The following TTC39B variants were observed in gnomAD, a reference collection of about 807,000 sequenced individuals.
TTC39B encodes tetratricopeptide repeat domain 39B.
A neutral mutation model predicts 96.6 loss-of-function variants in TTC39B; 92 were observed. The observed-to-expected ratio is 0.95, with a 90% CI of 0.80 to 1.13. TTC39B has a LOEUF of 1.13. Among genes scored for constraint, TTC39B ranks in the 50% most tolerant of loss-of-function variants. The pLI is 0.00. For missense variants in TTC39B, 955 were observed against 809.3 expected (o/e 1.18, Z -2.18); for synonymous variants, 367 against 299.4 (o/e 1.23, Z -2.33).
intron 1 of TTC39B, among the ~76,000 whole-genome samples, chr9:15,295,736 T>C (rs1196615368): frequency 1.3e-5 from 2 of 152,204 alleles, no homozygotes; most frequent in African/African-American, 2.4e-5. Context: ...AAATGAAGAA[T>C]GTCAGAAGTG....
At position 15,200,856 on chromosome 9, in the gene TTC39B, G is replaced by A. The variant is rs138000410; in HGVS notation, c.760-931C>T. Among the ~76,000 whole-genome samples, 69 of 152,256 alleles carry A rather than the reference G, an allele frequency of 4.5e-4. 1 individual carries two copies. In the South Asian group the frequency reaches 7.5e-3, roughly 16 times the overall value. On this transcript the variant is annotated intron_variant, in intron 7 of 19. Coordinates refer to ENST00000512701, the Ensembl canonical transcript of TTC39B. ...TCTACTAAAAATTCAGAAAGTAGCC[G>A]GGCATGGTGGCGGGTGCCTGTAGTC...
chr9:15,259,672 G>T (rs182318985), intron 2 of TTC39B, among the ~76,000 whole-genome samples: 2 of 152,242 alleles, frequency 1.3e-5, no homozygotes, highest in Middle Eastern at 3.4e-3. Flanking sequence ...GGTTCAACTT[G>T]CAATTTTCCA....
intron 6 of TTC39B, among the ~76,000 whole-genome samples, chr9:15,208,099 G>A (rs949524584): frequency 4.0e-5 from 6 of 150,826 alleles, no homozygotes; most frequent in Non-Finnish European, 7.4e-5. Flanking sequence ...GCGCGATCTC[G>A]GCTCACTGCA....
chr9:15,301,582 C>T (rs1824591365), intron 1 of TTC39B, among the ~76,000 whole-genome samples: 1 of 151,956 alleles, frequency 6.6e-6, no homozygotes, highest in Admixed American at 6.6e-5. Flanking sequence ...TGGAGAAACC[C>T]CGTCTCTATT....
intron 1 of TTC39B, among the ~76,000 whole-genome samples, chr9:15,298,375 G>A (rs7022190): frequency 0.15 from 23,442 of 152,126 alleles, 3,238 homozygotes; most frequent in African/African-American, 0.37. Flanking sequence ...TCATACTGCT[G>A]TGAAGAAATA....
At chr9:15,175,863 C>A (rs1817909480) in intron 18 of TTC39B, among the ~76,000 whole-genome samples, 1 of 152,156 alleles carries the variant, frequency 6.6e-6, no homozygotes, top group African/African-American at 2.4e-5. Context: ...GAAACTGAGA[C>A]CTCTATTTAA....
intron 8 of TTC39B, among the ~76,000 whole-genome samples, chr9:15,199,380 C>T (rs1349440621): frequency 6.6e-6 from 1 of 152,090 alleles, no homozygotes; most frequent in African/African-American, 2.4e-5. Context: ...ATTCTGTTGT[C>T]CTATAACACT....
intron 8 of TTC39B, 85 bp from the exon 9 acceptor site, chr9:15,192,780 T>C (rs190162217): frequency 2.6e-5 from 23 of 891,510 alleles, no homozygotes; most frequent in Non-Finnish European, 3.8e-5. Context: ...TTATGTGCTA[T>C]AAAATAAATG....
At chr9:15,274,716 A>T (rs894907387) in intron 1 of TTC39B, among the ~76,000 whole-genome samples, 7 of 151,918 alleles carry the variant, frequency 4.6e-5, no homozygotes, top group African/African-American at 1.7e-4. Context: ...ATCACACCTG[A>T]AAAAAAACTA....
At chr9:15,207,042 C>T (rs1311108467) in intron 6 of TTC39B, among the ~76,000 whole-genome samples, 3 of 152,174 alleles carry the variant, frequency 2.0e-5, no homozygotes, top group Non-Finnish European at 4.4e-5. Context: ...CGCACTTCTC[C>T]TTCCTGCCAC....
intron 8 of TTC39B, among the ~76,000 whole-genome samples, 169 bp from the exon 9 acceptor site, chr9:15,192,864 T>C (rs1818938930): frequency 6.6e-6 from 1 of 152,186 alleles, no homozygotes; most frequent in Non-Finnish European, 1.5e-5. Flanking sequence ...TACTAGGTAA[T>C]AATCATCAAA....
intron 2 of TTC39B, among the ~76,000 whole-genome samples, chr9:15,244,074 T>C (rs1822167129): frequency 1.3e-5 from 2 of 152,226 alleles, no homozygotes; most frequent in Non-Finnish European, 2.9e-5. Context: ...TTCAAATTCT[T>C]TCCTTAGGCA....
intron 3 of TTC39B, among the ~76,000 whole-genome samples, chr9:15,222,918 C>A (rs750641115): frequency 1.3e-5 from 2 of 152,174 alleles, no homozygotes; most frequent in African/African-American, 4.8e-5. Context: ...AGGTCTCCCA[C>A]CTCTAATGAA....
At chr9:15,215,467 G>GA (rs1383516894) in intron 3 of TTC39B, among the ~76,000 whole-genome samples, 1 of 151,776 alleles carries the variant, frequency 6.6e-6, no homozygotes, top group Non-Finnish European at 1.5e-5. Context: ...TGAGGCAGGA[G>GA]AATCACTTGA....
At chr9:15,201,753 G>C (rs1425553036) in intron 7 of TTC39B, among the ~76,000 whole-genome samples, 1 of 152,170 alleles carries the variant, frequency 6.6e-6, no homozygotes, top group Non-Finnish European at 1.5e-5. Context: ...ACACCTGTAA[G>C]GTGCGGGGGG....
At chr9:15,278,814 T>A (rs1208477181) in intron 1 of TTC39B, among the ~76,000 whole-genome samples, 1 of 152,184 alleles carries the variant, frequency 6.6e-6, no homozygotes, top group Non-Finnish European at 1.5e-5. Flanking sequence ...AAAGTGAGCA[T>A]TTCACCTCTA....
intron 2 of TTC39B, chr9:15,250,069 A>C: frequency 7.8e-7 from 1 of 1,282,834 alleles, no homozygotes; most frequent in South Asian, 1.3e-5. Context: ...TTTCTATTTT[A>C]TTCCTTGGTC....
At chr9:15,253,426 C>G (rs1263108859) in intron 2 of TTC39B, among the ~76,000 whole-genome samples, 1 of 152,184 alleles carries the variant, frequency 6.6e-6, no homozygotes, top group African/African-American at 2.4e-5. Flanking sequence ...CTGGAAAAGG[C>G]AAGGAAATGG....
intron 3 of TTC39B, among the ~76,000 whole-genome samples, chr9:15,221,459 A>C (rs60641439): frequency 0.028 from 4,234 of 152,262 alleles, 196 homozygotes; most frequent in African/African-American, 0.097. Context: ...TCTTTCGACA[A>C]GCCCTGTCCT....
Sources: allele counts gnomAD v4.1 joint callset (sites outside exome capture counted in the v4.1 genomes callset), GRCh38; gene constraint gnomAD v4.1.1; transcripts MANE v1.5; gene names NCBI Gene and HGNC (gene_info 2026-07-23, HGNC 2026-07-21).